CPD: variants seen among roughly 807,000 people sequenced by gnomAD.
The protein encoded by CPD is metallocarboxypeptidase D.
CPD carries 69 observed loss-of-function variants against 138.3 expected under a neutral mutation model. That is an observed-to-expected ratio of 0.50 (90% CI 0.41 to 0.61). The LOEUF (loss-of-function observed/expected upper bound fraction) is 0.61, where lower values mean the gene tolerates loss of function less well. CPD is among the 20% of genes least tolerant of loss of function. CPD has a pLI of 0.00. For synonymous variants in CPD, 651 were observed against 642.1 expected (o/e 1.01, Z -0.21); for missense variants, 1,432 against 1,733.3 (o/e 0.83, Z 3.09).
At chr17:30,380,361 G>A in intron 1 of CPD, 1 of 606,564 alleles carries the variant, frequency 1.6e-6, no homozygotes, top group Non-Finnish European at 2.2e-6. Flanking sequence ...TTTGACAGAA[G>A]CTGATTTTTC....
At chr17:30,442,207 A>C in intron 9 of CPD, 101 bp from the exon 10 acceptor site, 1 of 1,041,736 alleles carries the variant, frequency 9.6e-7, no homozygotes, top group Non-Finnish European at 1.4e-6. Flanking sequence ...AATGCTGATA[A>C]GAGATAAATT....
intron 2 of CPD, among the ~76,000 whole-genome samples, chr17:30,387,181 G>C (rs896829583): frequency 3.2e-4 from 48 of 152,312 alleles, no homozygotes; most frequent in African/African-American, 1.1e-3. Flanking sequence ...ATAGTGGCAT[G>C]ATCTTGGCTC....
chr17:30,405,394 G>A (rs1911778438), intron 2 of CPD, among the ~76,000 whole-genome samples: 2 of 152,256 alleles, frequency 1.3e-5, no homozygotes, highest in South Asian at 4.1e-4. Context: ...AGGAAAGGCA[G>A]CTTCTTGCAT....
At chr17:30,417,361 C>T (rs961341253) in intron 2 of CPD, among the ~76,000 whole-genome samples, 6 of 152,084 alleles carry the variant, frequency 3.9e-5, no homozygotes, top group African/African-American at 1.4e-4. Flanking sequence ...GAAAACTGAA[C>T]TTCCTAGTCT....
intron 2 of CPD, among the ~76,000 whole-genome samples, chr17:30,409,109 A>G (rs1264147918): frequency 1.1e-5 from 1 of 91,096 alleles, no homozygotes; most frequent in Non-Finnish European, 2.2e-5. Flanking sequence ...ATCTATTGAG[A>G]TAATCATGTG....
At chr17:30,402,589 C>T (rs988191186) in intron 2 of CPD, among the ~76,000 whole-genome samples, 1 of 152,158 alleles carries the variant, frequency 6.6e-6, no homozygotes, top group Admixed American at 6.5e-5. Context: ...CAAAACAAAA[C>T]GAAAACCTTA....
rs746695618 is a variant in CPD at position 30,456,533 on chromosome 17, T to C, written c.3498+7T>C. ...TCACCTGGGCAGCATGAAGGTATGC[T>C]TTCTAGAACATGGTTAGAATGGAGT... is the stretch of plus-strand genomic sequence containing the variant. On this transcript the variant is annotated splice_region_variant and intron_variant, in intron 17 of 20. Transcript: ENST00000225719. 3.7e-6 allele frequency: 6 copies of C among 1,613,474 alleles called. No individual in the cohort carries two copies. The highest frequency in any genetic ancestry group is 5.1e-6 in the Non-Finnish European group (6 of 1,179,542).
intron 2 of CPD, among the ~76,000 whole-genome samples, chr17:30,387,199 C>T (rs1026558917): frequency 3.3e-5 from 5 of 152,172 alleles, no homozygotes; most frequent in Admixed American, 2.6e-4. Flanking sequence ...CTCACTGTAA[C>T]CTCCGCCTCC....
chr17:30,463,147 G>A (rs895423708), intron 20 of CPD, among the ~76,000 whole-genome samples: 1 of 152,162 alleles, frequency 6.6e-6, no homozygotes, highest in Non-Finnish European at 1.5e-5. Context: ...ATATTTTGGG[G>A]GGCCTGTTCC....
chr17:30,392,055 G>C (rs1369031702), intron 2 of CPD, among the ~76,000 whole-genome samples: 2 of 150,128 alleles, frequency 1.3e-5, no homozygotes, highest in Non-Finnish European at 3.0e-5. Context: ...TGTCACCCAG[G>C]CCGGAGTGAA....
chr17:30,444,557 C>T (rs1404162463), intron 11 of CPD, among the ~76,000 whole-genome samples: 1 of 123,834 alleles, frequency 8.1e-6, no homozygotes, highest in African/African-American at 3.1e-5. Flanking sequence ...CAGAGCTTCT[C>T]TCTATCGCCC....
chr17:30,399,542 T>C (rs1414624947), intron 2 of CPD, among the ~76,000 whole-genome samples: 1 of 152,206 alleles, frequency 6.6e-6, no homozygotes, highest in East Asian at 1.9e-4. Context: ...ATCTACACTT[T>C]TATCGTTATG....
At chr17:30,448,008 G>A (rs1913073616) in intron 12 of CPD, among the ~76,000 whole-genome samples, 1 of 152,066 alleles carries the variant, frequency 6.6e-6, no homozygotes, top group Admixed American at 6.6e-5. Context: ...TTCTTCATGG[G>A]TCCTTTTAAT....
At position 30,393,928 on chromosome 17, in the gene CPD, G is replaced by A. The variant is rs1205105603; in HGVS notation, c.994+8692G>A. Among the ~76,000 whole-genome samples, 5 of 152,000 alleles carry A rather than the reference G, an allele frequency of 3.3e-5. 1 individual carries two copies. The highest frequency in any genetic ancestry group is 2.0e-4 in the Admixed American group (3 of 15,262). ...GGCTGAAGTAGGAGGATTGCTTGAG[G>A]CCAGGAGTTTAAGACCTGGGCAACT... is the stretch of plus-strand genomic sequence containing the variant. On this transcript the variant is annotated intron_variant, in intron 2 of 20. Coordinates refer to ENST00000225719, the MANE Select transcript of CPD (RefSeq NM_001304.5).
chr17:30,465,392 C>T lies in CPD; in HGVS notation c.*578C>T, dbSNP rs1913609003. The T allele has an allele frequency of 6.5e-6, 1 of 153,416 alleles. No individual in the cohort carries two copies. The allele number at this position is 153,416 out of a possible 1,614,324, so 9.5% of individuals were successfully genotyped here. The stretch of plus-strand genomic sequence containing the variant: ...TAAATGGGCTTCTGCATTTGGCTTT[C>T]TACCTGTTCCAAGGCTAGATCGGAA... On this transcript the variant is annotated 3_prime_UTR_variant, in exon 21 of 21. Coordinates refer to ENST00000225719, the MANE Select transcript of CPD (RefSeq NM_001304.5).
At chr17:30,380,450 T>G in intron 1 of CPD, 1 of 1,247,606 alleles carries the variant, frequency 8.0e-7, no homozygotes, top group African/African-American at 1.6e-5. Context: ...AGCCGCTTCA[T>G]TTTAGACTCT....
chr17:30,431,258 T>C (rs892090153), intron 7 of CPD, among the ~76,000 whole-genome samples: 12 of 152,374 alleles, frequency 7.9e-5, no homozygotes, highest in Admixed American at 2.0e-4. Flanking sequence ...GCCATTTATC[T>C]ATCTTCTTTG....
In CPD at chr17:30,379,109, T is replaced by G; in HGVS notation, c.129T>G (p.Thr43=). Residue 43 remains threonine, a synonymous_variant, in exon 1 of 21, where the codon ACT becomes ACG. Transcript: ENST00000225719. The surrounding 1 kb of genome is among the most constrained non-coding windows in gnomAD (Gnocchi z 7.0). ...HIKKAEATTT[T]TSAGAEAAEG... is the part of the protein sequence containing the mutation. ...AGAAGGCGGAGGCGACTACCACAAC[T>G]ACGAGCGCGGGCGCCGAGGCGGCCG... 5 of 1,547,032 alleles carry G rather than the reference T, an allele frequency of 3.2e-6. No individual in the cohort carries two copies. The highest frequency in any genetic ancestry group is 4.3e-6 in the Non-Finnish European group (5 of 1,151,322).
intron 2 of CPD, among the ~76,000 whole-genome samples, chr17:30,386,854 T>G (rs900505739): frequency 6.6e-6 from 1 of 152,226 alleles, no homozygotes; most frequent in Non-Finnish European, 1.5e-5. Flanking sequence ...TGTTTATCCA[T>G]CTATTGATGA....
Sources: gnomAD v4.1 joint callset for allele counts (sites outside exome capture counted in the v4.1 genomes callset) on GRCh38, gnomAD v4.1.1 for gene constraint, Gnocchi (gnomAD v3.1) non-coding constraint, MANE v1.5 for transcripts, NCBI Gene and HGNC (gene_info 2026-07-23, HGNC 2026-07-21) for gene names.